Variants in PHC3 observed in about 807,000 individuals in gnomAD.
PHC3 encodes polyhomeotic-like protein 3.
PHC3 carries 13 observed loss-of-function variants against 107.4 expected under a neutral mutation model. That is an observed-to-expected ratio of 0.12 (90% CI 0.08 to 0.19). The LOEUF (loss-of-function observed/expected upper bound fraction) is 0.19, where lower values mean the gene tolerates loss of function less well. Ranked by LOEUF, PHC3 falls within the 10% of genes least tolerant of loss-of-function variation. The probability of loss-of-function intolerance (pLI) is 1.00; values close to 1 mark genes in which losing one functional copy is unlikely to be tolerated. For missense variants in PHC3, 992 were observed against 1,210.9 expected (o/e 0.82, Z 2.68); for synonymous variants, 456 against 427.4 (o/e 1.07, Z -0.83).
In PHC3 at chr3:170,163,285, C is replaced by CA. The variant is rs756904308; in HGVS notation, c.414+8087dup. ...AAAAAAAAGTTTTTTCCCTTTCTGA[C>CA]AGAATAGTACAGTGAGTCGAAGCCA... On this transcript the variant is annotated intron_variant, in intron 4 of 14. Coordinates refer to ENST00000495893, the MANE Select transcript of PHC3 (RefSeq NM_024947.4). Among the ~76,000 whole-genome samples the CA allele has an allele frequency of 1.0e-3, 157 of 151,762 alleles. 1 individual carries two copies. Among genetic ancestry groups the CA allele is most frequent in the Middle Eastern group, 3.4e-3 (1 of 294 alleles).
At chr3:170,136,231 C>G in intron 7 of PHC3, 188 bp downstream of exon 7, 1 of 625,094 alleles carries the variant, frequency 1.6e-6, no homozygotes, top group Non-Finnish European at 2.6e-6. Flanking sequence ...TATATTGTTA[C>G]AATTTATTTT....
chr3:170,123,850 A>C (rs1023151583), intron 8 of PHC3, among the ~76,000 whole-genome samples: 3 of 151,898 alleles, frequency 2.0e-5, no homozygotes, highest in Non-Finnish European at 4.4e-5. Context: ...CTATGTAACT[A>C]GAAATACTTT....
Position 170,136,450 on chromosome 3 carries a change from C to T in PHC3, c.888G>A (p.Arg296=), listed in dbSNP as rs1265448720. ...SLESRSTAVT[R]TSSIHQLIAP... ...CTATTAACTGGTGAATACTTGATGT[C>T]CGGGTGACAGCTGTGCTTCGTGATT... is the stretch of plus-strand genomic sequence containing the variant. The change falls in exon 7 of 15, where the codon CGG becomes CGA. Residue 296 remains arginine (R), a synonymous_variant. Coordinates refer to ENST00000495893, the MANE Select transcript of PHC3 (RefSeq NM_024947.4). 6 of 1,606,196 alleles carry T rather than the reference C, an allele frequency of 3.7e-6. No individual in the cohort carries two copies. In the Admixed American group the frequency reaches 8.6e-5, roughly 23 times the overall value.
At chr3:170,171,140 T>G in intron 4 of PHC3, 2 of 568,386 alleles carry the variant, frequency 3.5e-6, no homozygotes, top group Non-Finnish European at 3.1e-6. Context: ...ACATGATCAG[T>G]GCAAATGGAT....
intron 9 of PHC3, among the ~76,000 whole-genome samples, chr3:170,117,765 AGGTG>A (rs2108380465): frequency 6.6e-6 from 1 of 150,938 alleles, no homozygotes; most frequent in South Asian, 2.1e-4. Context: ...TGGGAGGTCA[AGGTG>A]GGTGGATCAC....
Position 170,097,326 on chromosome 3 carries a change from G to T in PHC3, c.2892C>A (p.Leu964=). 6.2e-7 allele frequency: 1 copy of T among 1,613,616 alleles called. No homozygotes were observed. The highest frequency in any genetic ancestry group is 1.3e-5 in the African/African-American group (1 of 75,014). The change falls in exon 15 of 15, where the codon CTC becomes CTA. Residue 964 remains leucine, a synonymous_variant. Coordinates refer to ENST00000495893, the MANE Select transcript of PHC3 (RefSeq NM_024947.4). This position sits in a 1 kb window ranked among gnomAD's most constrained non-coding sequence, Gnocchi z 4.1. ...RAQEIDGQAL[L]LLKEDHLMSA... is the part of the protein sequence containing the mutation. ...TCATGAGATGGTCTTCTTTCAGCAA[G>T]AGAAGGGCCTGTCCATCAATCTCCT... is the stretch of plus-strand genomic sequence containing the variant.
intron 4 of PHC3, chr3:170,169,598 A>G (rs1174963130): frequency 6.6e-6 from 1 of 152,230 alleles, no homozygotes; most frequent in Non-Finnish European, 1.5e-5. Flanking sequence ...AGCTTTTGGC[A>G]TACTTCATGG....
intron 14 of PHC3, among the ~76,000 whole-genome samples, chr3:170,098,566 G>A (rs1714958536): frequency 6.6e-6 from 1 of 151,990 alleles, no homozygotes; most frequent in South Asian, 2.1e-4. Flanking sequence ...TATAGGTACT[G>A]AATACATAAT....
In PHC3 at chr3:170,088,771, A is replaced by ATCTG. The variant is rs1713758738; in HGVS notation, c.*8455_*8458dup. On this transcript the variant is annotated 3_prime_UTR_variant, in exon 15 of 15. Transcript: ENST00000495893. Reference sequence around the variant, plus strand: ...GGAATAACTTTTTGAAACCCAGATTATCTGGCTACTTAGATGATAGTCTTC... The same window carrying ATCTG: ...GGAATAACTTTTTGAAACCCAGATTATCTGTCTGGCTACTTAGATGATAGTCTTC... 1 of 152,250 alleles carries ATCTG rather than the reference A, an allele frequency of 6.6e-6. No homozygotes were observed. The highest frequency in any genetic ancestry group is 2.4e-5 in the African/African-American group (1 of 41,466). 9.4% of individuals were successfully genotyped at this position (152,250 alleles called of 1,614,324 possible).
intron 11 of PHC3, among the ~76,000 whole-genome samples, chr3:170,112,937 G>T (rs891792759): frequency 6.6e-6 from 1 of 152,156 alleles, no homozygotes; most frequent in Non-Finnish European, 1.5e-5. Flanking sequence ...ATATCCACCT[G>T]ATGTCAAACA....
rs1201915372 is a variant in PHC3 at position 170,179,093 on chromosome 3, G to A, written c.15-155C>T. 2.6e-5 allele frequency among the ~76,000 whole-genome samples: 4 copies of A among 152,174 alleles called. No homozygotes were observed. In the East Asian group the frequency reaches 7.7e-4, roughly 29 times the overall value. On this transcript the variant is annotated intron_variant, in intron 1 of 14. Coordinates refer to ENST00000495893, the MANE Select transcript of PHC3 (RefSeq NM_024947.4). Reference sequence around the variant, plus strand: ...ACACAGTCACTATAAGCACTTAGAAGGGAAAAATACTTCACATATATGGAG... The same window carrying A: ...ACACAGTCACTATAAGCACTTAGAAAGGAAAAATACTTCACATATATGGAG...
rs141048664 is a variant in PHC3, at chr3:170,122,517, G to GA, written c.1942+73dup. 3.4e-4 allele frequency: 508 copies of GA among 1,510,906 alleles called. No individual in the cohort carries two copies. In the African/African-American group the frequency reaches 5.4e-3, roughly 16 times the overall value. The allele number at this position is 1,510,906 out of a possible 1,614,324, so 93.6% of individuals were successfully genotyped here. A position where few individuals can be genotyped will look rare whatever the true frequency, so the allele number is the denominator to read the frequency against. ...ACAAAAAGGGTGAAAGGAGGAAAGG[G>GA]AAAAAAATCAACTTTTCCTATTATT... On this transcript the variant is annotated intron_variant, in intron 9 of 14. Transcript: ENST00000495893.
chr3:170,090,051 G>T lies in PHC3; in HGVS notation c.*7179C>A, dbSNP rs6804888. 0.48 allele frequency: 72,279 copies of T among 151,652 alleles called. 17,707 individuals are homozygous for T. Among genetic ancestry groups the T allele is most frequent in the East Asian group, 0.69 (3,588 of 5,172 alleles). 9.4% of individuals were successfully genotyped at this position (151,652 alleles called of 1,614,324 possible). A position where few individuals can be genotyped will look rare whatever the true frequency, so the allele number is the denominator to read the frequency against. ...TGTATAGCAACAACTCTGGAATAGA[G>T]TCAAGTGTCAAAATAATGTTGTGAA... is the stretch of plus-strand genomic sequence containing the variant. On this transcript the variant is annotated 3_prime_UTR_variant, in exon 15 of 15. Transcript: ENST00000495893.
chr3:170,149,436 G>C (rs1725540308), intron 4 of PHC3, among the ~76,000 whole-genome samples, 192 bp from the exon 5 acceptor site: 1 of 152,060 alleles, frequency 6.6e-6, no homozygotes, highest in Non-Finnish European at 1.5e-5. Flanking sequence ...CAATGGCATG[G>C]ATTGGTTAGT....
intron 2 of PHC3, among the ~76,000 whole-genome samples, chr3:170,175,696 G>A (rs1251187902): frequency 2.0e-5 from 3 of 151,334 alleles, no homozygotes; most frequent in East Asian, 1.9e-4. Context: ...AGGCCGAGGC[G>A]GGCGGATTAC....
intron 5 of PHC3, among the ~76,000 whole-genome samples, chr3:170,146,770 T>C (rs545765520): frequency 1.3e-5 from 2 of 151,666 alleles, no homozygotes; most frequent in South Asian, 4.2e-4. Context: ...TGACCTCAAG[T>C]GATCCGCCCA....
In PHC3 at chr3:170,117,497, T is replaced by G. The variant is rs757079384; in HGVS notation, c.1943-21A>C. The G allele has an allele frequency of 3.2e-6, 5 of 1,580,560 alleles. No homozygotes were observed. The East Asian group carries it at 1.1e-4, about 35-fold the overall frequency. On this transcript the variant is annotated intron_variant, in intron 9 of 14. Transcript: ENST00000495893. Reference sequence around the variant, plus strand: ...TTGCTCTGAAAAAAAAACCAAAAAGTCATTTAAAAATTTTTTTAGCATTTT... The same window carrying G: ...TTGCTCTGAAAAAAAAACCAAAAAGGCATTTAAAAATTTTTTTAGCATTTT...
At chr3:170,100,936 C>T (rs777564385) in intron 14 of PHC3, among the ~76,000 whole-genome samples, 4 of 152,110 alleles carry the variant, frequency 2.6e-5, no homozygotes, top group Non-Finnish European at 4.4e-5. Context: ...GATCATGTGC[C>T]CTACCTGGAA....
At chr3:170,118,157 A>G (rs567574850) in intron 9 of PHC3, among the ~76,000 whole-genome samples, 70 of 152,358 alleles carry the variant, frequency 4.6e-4, no homozygotes, top group South Asian at 1.2e-3. Flanking sequence ...TCCTATTTAT[A>G]TATTCCAAAT....
Sources: gnomAD v4.1 joint callset for allele counts (sites outside exome capture counted in the v4.1 genomes callset) on GRCh38, gnomAD v4.1.1 for gene constraint, Gnocchi (gnomAD v3.1) non-coding constraint, MANE v1.5 for transcripts, NCBI Gene and HGNC (gene_info 2026-07-23, HGNC 2026-07-21) for gene names.